The following SPOCK3 variants were observed in gnomAD, a reference collection of about 807,000 sequenced individuals.
The protein encoded by SPOCK3 is testican-3.
Under a neutral mutation model 56.6 loss-of-function variants are expected in SPOCK3, and 30 were observed. The observed-to-expected ratio is 0.53, with a 90% CI of 0.40 to 0.72. The LOEUF is 0.72. SPOCK3 is among the 30% of genes least tolerant of loss of function. The pLI is 0.00. For synonymous variants in SPOCK3, 196 were observed against 183.3 expected, an observed-to-expected ratio of 1.07 and a Z score of -0.56; for missense variants, 527 against 530.0, an observed-to-expected ratio of 0.99 and a Z score of 0.06.
At chr4:166,953,856 A>T (rs989440447) in intron 4 of SPOCK3, among the ~76,000 whole-genome samples, 9 of 152,058 alleles carry the variant, frequency 5.9e-5, no homozygotes, top group African/African-American at 2.2e-4. Flanking sequence ...AACACCGCAT[A>T]TTCTCACTCA....
At chr4:166,931,337 T>TGGGGGGGGGGGGGG (rs34413695) in intron 4 of SPOCK3, among the ~76,000 whole-genome samples, 2 of 104,504 alleles carry the variant, frequency 1.9e-5, no homozygotes, top group African/African-American at 7.4e-5. Context: ...GTGTGGGGGG[T>TGGGGGGGGGGGGGG]GGGGGGGCAA....
intron 6 of SPOCK3, among the ~76,000 whole-genome samples, chr4:166,844,391 C>A (rs1420958348): frequency 6.6e-6 from 1 of 152,174 alleles, no homozygotes; most frequent in Non-Finnish European, 1.5e-5. Context: ...CCTGGCTAGG[C>A]CATGGTATCC....
intron 4 of SPOCK3, among the ~76,000 whole-genome samples, chr4:166,955,514 AATTAT>A (rs938293230): frequency 2.0e-4 from 21 of 105,234 alleles, no homozygotes; most frequent in East Asian, 2.0e-3. Context: ...TATATTATTA[AATTAT>A]ATTATATTAT....
At chr4:166,826,829 G>A (rs899554814) in intron 6 of SPOCK3, among the ~76,000 whole-genome samples, 2 of 151,962 alleles carry the variant, frequency 1.3e-5, no homozygotes, top group African/African-American at 4.8e-5. Flanking sequence ...TTTAGGTGAA[G>A]TTAGGTCTGA....
chr4:167,009,630 A>G (rs1749827529), intron 3 of SPOCK3, among the ~76,000 whole-genome samples: 1 of 151,996 alleles, frequency 6.6e-6, no homozygotes, highest in African/African-American at 2.4e-5. Flanking sequence ...CACAATACCA[A>G]AAAAAACAAC....
In SPOCK3 at chr4:167,223,360, T is replaced by C. The variant is rs1274789228; in HGVS notation, c.189+10625A>G. On this transcript the variant is annotated intron_variant, in intron 2 of 10. Coordinates refer to ENST00000357545, the MANE Select transcript of SPOCK3 (RefSeq NM_001040159.2). ...TATATATGTTTATGTATATTATGTTTATATATAAATATATATTTATAGAGG... is the reference window on the plus strand; with the variant it reads ...TATATATGTTTATGTATATTATGTTCATATATAAATATATATTTATAGAGG... Among the ~76,000 whole-genome samples, 8 of 146,672 alleles carry C rather than the reference T, an allele frequency of 5.5e-5. No homozygotes were observed. In the South Asian group the frequency reaches 1.3e-3, roughly 23 times the overall value.
intron 5 of SPOCK3, among the ~76,000 whole-genome samples, chr4:166,895,858 A>G (rs1234781669): frequency 6.6e-6 from 1 of 152,140 alleles, no homozygotes; most frequent in African/African-American, 2.4e-5. Flanking sequence ...CAATTATACA[A>G]ACACATAAAA....
intron 6 of SPOCK3, among the ~76,000 whole-genome samples, chr4:166,886,516 T>G (rs1349780332): frequency 6.6e-6 from 1 of 152,158 alleles, no homozygotes; most frequent in East Asian, 1.9e-4. Flanking sequence ...TTGGACCAAT[T>G]TATGCACATT....
intron 2 of SPOCK3, among the ~76,000 whole-genome samples, chr4:167,209,089 C>A (rs1321022964): frequency 6.6e-6 from 1 of 152,018 alleles, no homozygotes; most frequent in Non-Finnish European, 1.5e-5. Context: ...ACTAGAGTCA[C>A]CACTAAAGAC....
intron 6 of SPOCK3, among the ~76,000 whole-genome samples, chr4:166,847,526 G>T (rs1442878672): frequency 6.6e-6 from 1 of 151,208 alleles, no homozygotes; most frequent in Non-Finnish European, 1.5e-5. Flanking sequence ...GATGGTATGA[G>T]CAGCACTGGA....
intron 4 of SPOCK3, among the ~76,000 whole-genome samples, chr4:166,942,998 G>A (rs1345887304): frequency 6.6e-6 from 1 of 152,204 alleles, no homozygotes; most frequent in East Asian, 1.9e-4. Context: ...TCCATACCAG[G>A]AAAGAAGAAA....
chr4:166,855,516 T>C (rs1414443950), intron 6 of SPOCK3, among the ~76,000 whole-genome samples: 1 of 151,308 alleles, frequency 6.6e-6, no homozygotes, highest in Non-Finnish European at 1.5e-5. Flanking sequence ...TTGGGTCAGC[T>C]ACTCTTTATA....
chr4:167,220,900 G>A (rs2111099347), intron 2 of SPOCK3, among the ~76,000 whole-genome samples: 1 of 152,216 alleles, frequency 6.6e-6, no homozygotes. Context: ...GTTTCCTACT[G>A]CAGCTTCAAG....
chr4:167,226,468 G>A (rs781655539), intron 2 of SPOCK3, among the ~76,000 whole-genome samples: 2 of 152,096 alleles, frequency 1.3e-5, no homozygotes, highest in Non-Finnish European at 2.9e-5. Context: ...TCCCATCAGA[G>A]GACACGGGGA....
rs116996832 is a variant in SPOCK3 at position 167,183,130 on chromosome 4, C to T, written c.189+50855G>A. Among the ~76,000 whole-genome samples the T allele has an allele frequency of 4.6e-5, 7 of 152,148 alleles. No homozygotes were observed. In the East Asian group the frequency reaches 1.4e-3, roughly 30 times the overall value. The stretch of plus-strand genomic sequence containing the variant: ...AGTTAGAGAATATGGAACAGAGCAA[C>T]TCCAACTAACCCACAGAACTGCAGT... On this transcript the variant is annotated intron_variant, in intron 2 of 10. Coordinates refer to ENST00000357545, the MANE Select transcript of SPOCK3 (RefSeq NM_001040159.2).
intron 6 of SPOCK3, among the ~76,000 whole-genome samples, chr4:166,811,029 T>G (rs1276814914): frequency 6.6e-6 from 1 of 151,914 alleles, no homozygotes; most frequent in Non-Finnish European, 1.5e-5. Flanking sequence ...TTCAAATGTA[T>G]TGACCAAAAG....
intron 7 of SPOCK3, among the ~76,000 whole-genome samples, chr4:166,782,664 G>A (rs116900458): frequency 1.3e-5 from 2 of 151,854 alleles, no homozygotes; most frequent in African/African-American, 2.4e-5. Flanking sequence ...GAAAAAATAG[G>A]TAGCATTTAA....
intron 2 of SPOCK3, among the ~76,000 whole-genome samples, chr4:167,233,104 C>T (rs181641244): frequency 2.0e-5 from 3 of 152,280 alleles, no homozygotes; most frequent in Admixed American, 1.3e-4. Flanking sequence ...ACAGGGCGGC[C>T]TCCTCACTGG....
intron 6 of SPOCK3, among the ~76,000 whole-genome samples, chr4:166,805,736 C>T (rs141611927): frequency 1.2e-3 from 190 of 152,094 alleles, no homozygotes; most frequent in Non-Finnish European, 2.3e-3. Context: ...AAGTCATAAG[C>T]TCAAAGGTTG....
Sources: allele counts gnomAD v4.1 joint callset (sites outside exome capture counted in the v4.1 genomes callset), GRCh38; gene constraint gnomAD v4.1.1; transcripts MANE v1.5; gene names NCBI Gene and HGNC (gene_info 2026-07-23, HGNC 2026-07-21).